The following INTS6 variants were observed in gnomAD, a reference collection of about 807,000 sequenced individuals.
The protein encoded by INTS6 is DEAD box protein.
A neutral mutation model predicts 104.9 loss-of-function variants in INTS6; 16 were observed. That is an observed-to-expected ratio of 0.15 (90% CI 0.10 to 0.23). INTS6 has a LOEUF of 0.23. Among genes scored for constraint, INTS6 ranks in the 10% least tolerant of loss-of-function variants. INTS6 has a pLI of 1.00. For synonymous variants in INTS6, 324 were observed against 358.7 expected, an observed-to-expected ratio of 0.90 and a Z score of 1.09; for missense variants, 584 against 1,062.8, an observed-to-expected ratio of 0.55 and a Z score of 6.26.
chr13:51,344,220 A>G, the INTS6 span: 1 of 1,552,458 alleles, frequency 6.4e-7, no homozygotes, highest in Non-Finnish European at 8.9e-7. Context: ...CACACTCACC[A>G]TTGTCAACTT....
chr13:51,439,583 A>G (rs1192363797), intron 3 of INTS6: 1 of 152,202 alleles, frequency 6.6e-6, no homozygotes, highest in Non-Finnish European at 1.5e-5. Context: ...AAGGAATTAT[A>G]TATTTTACAC....
At chr13:51,389,536 T>C (rs1355927560) in intron 5 of INTS6, 92 bp from the exon 6 acceptor site, 1 of 1,285,252 alleles carries the variant, frequency 7.8e-7, no homozygotes, top group African/African-American at 1.5e-5. Flanking sequence ...AAAAAACAAC[T>C]GTGGGGTTTC....
At chr13:51,399,879 G>A (rs752030311) in intron 4 of INTS6, among the ~76,000 whole-genome samples, 1 of 152,116 alleles carries the variant, frequency 6.6e-6, no homozygotes, top group African/African-American at 2.4e-5. Flanking sequence ...GGGTTGTCTA[G>A]CTTTCTCTTA....
At chr13:51,427,818 G>T (rs182070837) in intron 4 of INTS6, among the ~76,000 whole-genome samples, 12 of 152,194 alleles carry the variant, frequency 7.9e-5, no homozygotes, top group African/African-American at 2.9e-4. Context: ...TACTATGCTA[G>T]TATTGTAAAA....
intron 5 of INTS6, among the ~76,000 whole-genome samples, chr13:51,390,900 T>C (rs1956235498): frequency 6.6e-6 from 1 of 152,078 alleles, no homozygotes; most frequent in South Asian, 2.1e-4. Flanking sequence ...GTATGGGTTA[T>C]TTTCCCCATT....
chr13:51,431,571 T>A (rs1409339041), intron 3 of INTS6, among the ~76,000 whole-genome samples: 1 of 152,174 alleles, frequency 6.6e-6, no homozygotes, highest in African/African-American at 2.4e-5. Context: ...CCTAACATAT[T>A]ATAATATATA....
intron 4 of INTS6, among the ~76,000 whole-genome samples, chr13:51,412,580 G>A (rs1226342429): frequency 1.3e-5 from 2 of 152,128 alleles, no homozygotes; most frequent in Non-Finnish European, 2.9e-5. Flanking sequence ...CTCTCCCATG[G>A]GAGTACTACA....
intron 5 of INTS6, among the ~76,000 whole-genome samples, chr13:51,394,651 T>G (rs1956303736): frequency 6.6e-6 from 1 of 152,148 alleles, no homozygotes; most frequent in Admixed American, 6.6e-5. Flanking sequence ...ATGCCGTGTC[T>G]GTACTGACTA....
rs547457291 is a variant in INTS6, at chr13:51,416,155, G to A, written c.429+14139C>T. 7.9e-5 allele frequency among the ~76,000 whole-genome samples: 12 copies of A among 152,246 alleles called. No individual in the cohort carries two copies. In the East Asian group the frequency reaches 2.3e-3, roughly 29 times the overall value. ...AATAGATTTAAAAGGAGGTAGAGAA[G>A]TCAAGGAGATAACAGAAATGATCTC... On this transcript the variant is annotated intron_variant, in intron 4 of 17. Transcript: ENST00000311234.
At chr13:51,379,625 G>C in intron 10 of INTS6, 53 bp from the exon 11 acceptor site, 1 of 1,036,988 alleles carries the variant, frequency 9.6e-7, no homozygotes, top group Non-Finnish European at 1.4e-6. Context: ...AAAACTTATG[G>C]TTCCATGTAT....
At chr13:51,404,543 C>T (rs926715355) in intron 4 of INTS6, among the ~76,000 whole-genome samples, 7 of 152,072 alleles carry the variant, frequency 4.6e-5, no homozygotes, top group Non-Finnish European at 7.4e-5. Flanking sequence ...AACACATATT[C>T]CATAAGCTGG....
rs1420637641 is a variant in INTS6 at position 51,452,957 on chromosome 13, G to C, written c.-432C>G. 1 of 1,029,060 alleles carries C rather than the reference G, an allele frequency of 9.7e-7. No homozygotes were observed. The highest frequency in any genetic ancestry group is 1.7e-5 in the African/African-American group (1 of 57,482). The allele number at this position is 1,029,060 out of a possible 1,614,324, so 63.7% of individuals were successfully genotyped here. A position where few individuals can be genotyped will look rare whatever the true frequency, so the allele number is the denominator to read the frequency against. ...TGGGCTGAGGGAAGATTGGCCCTGG[G>C]GCTGTTGGGAGAAGTTTCAGGGACT... is the stretch of plus-strand genomic sequence containing the variant. On this transcript the variant is annotated 5_prime_UTR_variant, in exon 1 of 18. Coordinates refer to ENST00000311234, the MANE Select transcript of INTS6 (RefSeq NM_012141.3). The surrounding 1 kb of genome is among the most constrained non-coding windows in gnomAD (Gnocchi z 4.2).
At position 51,368,928 on chromosome 13, in the gene INTS6, A is replaced by C; in HGVS notation, c.2476+11T>G. ...AAATCAGATCTGAGGTTCGTCTCTTATTATACATACTTCTTCCTGGCTTTC... is the reference window on the plus strand; with the variant it reads ...AAATCAGATCTGAGGTTCGTCTCTTCTTATACATACTTCTTCCTGGCTTTC... On this transcript the variant is annotated intron_variant, in intron 16 of 17. Coordinates refer to ENST00000311234, the MANE Select transcript of INTS6 (RefSeq NM_012141.3). 2 of 1,563,070 alleles carry C rather than the reference A, an allele frequency of 1.3e-6. No homozygotes were observed. The highest frequency in any genetic ancestry group is 8.6e-7 in the Non-Finnish European group (1 of 1,156,652).
At chr13:51,412,846 G>A (rs930067461) in intron 4 of INTS6, among the ~76,000 whole-genome samples, 1 of 152,184 alleles carries the variant, frequency 6.6e-6, no homozygotes, top group Admixed American at 6.5e-5. Flanking sequence ...AAGAACTAAT[G>A]CTATCAAGTG....
chr13:51,450,671 A>G, intron 3 of INTS6: 1 of 995,006 alleles, frequency 1.0e-6, no homozygotes. Context: ...AACACGAACT[A>G]GTGTCTCTAA....
At chr13:51,386,352 C>T (rs1420992509) in intron 7 of INTS6, among the ~76,000 whole-genome samples, 1 of 152,060 alleles carries the variant, frequency 6.6e-6, no homozygotes, top group Non-Finnish European at 1.5e-5. Flanking sequence ...AATACGGTAT[C>T]TGTTCTGTAA....
At chr13:51,346,812 T>C in the INTS6 span, among the ~76,000 whole-genome samples, 1 of 152,226 alleles carries the variant, frequency 6.6e-6, no homozygotes, top group Non-Finnish European at 1.5e-5. Flanking sequence ...TCCTGGTGCC[T>C]TGGGTCCCTG....
chr13:51,382,559 G>C (rs1956073104), intron 9 of INTS6, among the ~76,000 whole-genome samples: 1 of 152,126 alleles, frequency 6.6e-6, no homozygotes, highest in African/African-American at 2.4e-5. Context: ...ACTAACTTTA[G>C]GCTTTTATCA....
intron 3 of INTS6, chr13:51,354,941 C>A: frequency 3.1e-6 from 2 of 649,452 alleles, no homozygotes; most frequent in Non-Finnish European, 2.8e-6. Context: ...TCTGGTGGAG[C>A]CAGCCTGACT....
Sources: gnomAD v4.1 joint callset for allele counts (sites outside exome capture counted in the v4.1 genomes callset) on GRCh38, gnomAD v4.1.1 for gene constraint, Gnocchi (gnomAD v3.1) non-coding constraint, MANE v1.5 for transcripts, NCBI Gene and HGNC (gene_info 2026-07-23, HGNC 2026-07-21) for gene names.